Variants in XYLT1 observed in about 807,000 individuals in gnomAD.
The protein encoded by XYLT1 is xylosyltransferase 1.
Under a neutral mutation model 91.3 loss-of-function variants are expected in XYLT1, and 36 were observed. The ratio of observed to expected loss-of-function variants is 0.39; its 90% confidence interval spans 0.30 to 0.52. XYLT1 has a LOEUF of 0.52. Ranked by LOEUF, XYLT1 falls within the 20% of genes least tolerant of loss-of-function variation. The probability of loss-of-function intolerance (pLI) is 0.68; values close to 1 mark genes in which losing one functional copy is unlikely to be tolerated. For missense variants in XYLT1, 1,242 were observed against 1,284.5 expected, an observed-to-expected ratio of 0.97 and a Z score of 0.51; for synonymous variants, 588 against 532.0, an observed-to-expected ratio of 1.11 and a Z score of -1.45.
intron 5 of XYLT1, among the ~76,000 whole-genome samples, chr16:17,186,495 G>A (rs2032186833): frequency 7.3e-6 from 1 of 136,548 alleles, no homozygotes; most frequent in Non-Finnish European, 1.5e-5. Context: ...TTAGAAATGG[G>A]GGTCTTGCTT....
intron 5 of XYLT1, among the ~76,000 whole-genome samples, chr16:17,172,461 C>G (rs1043466339): frequency 4.5e-5 from 6 of 134,336 alleles, no homozygotes; most frequent in African/African-American, 1.6e-4. Context: ...AGACTGCGTT[C>G]ATTTCTTTTT....
At chr16:17,352,076 A>T (rs2035229212) in intron 2 of XYLT1, among the ~76,000 whole-genome samples, 1 of 152,122 alleles carries the variant, frequency 6.6e-6, no homozygotes, top group Non-Finnish European at 1.5e-5. Flanking sequence ...ACCGAGATGG[A>T]GTCACTGCAC....
At chr16:17,115,157 T>A (rs1005482921) in intron 11 of XYLT1, among the ~76,000 whole-genome samples, 7 of 151,768 alleles carry the variant, frequency 4.6e-5, no homozygotes, top group African/African-American at 1.7e-4. Flanking sequence ...ACATACAATT[T>A]TATGTTTAAG....
rs1442455689 is a variant in XYLT1 at position 17,103,513 on chromosome 16, T to C, written c.*5182A>G. On this transcript the variant is annotated 3_prime_UTR_variant, in exon 12 of 12. Coordinates refer to ENST00000261381, the MANE Select transcript of XYLT1 (RefSeq NM_022166.4). ...CTTCACGATGCTGTCTTCTCTGATG[T>C]TGGTGGAGATGGGAGGGAAAGGATG... 5 of 152,214 alleles carry C rather than the reference T, an allele frequency of 3.3e-5. No homozygotes were observed. The highest frequency in any genetic ancestry group is 5.9e-5 in the Non-Finnish European group (4 of 68,066). The allele number at this position is 152,214 out of a possible 1,614,324, so 9.4% of individuals were successfully genotyped here. A position where few individuals can be genotyped will look rare whatever the true frequency, so the allele number is the denominator to read the frequency against.
At chr16:17,396,625 C>T (rs1380043658) in intron 1 of XYLT1, among the ~76,000 whole-genome samples, 1 of 152,210 alleles carries the variant, frequency 6.6e-6, no homozygotes, top group African/African-American at 2.4e-5. Flanking sequence ...AATCCCAACA[C>T]TTTGGGAGGC....
intron 5 of XYLT1, among the ~76,000 whole-genome samples, chr16:17,175,329 CAAT>C (rs779176674): frequency 1.3e-5 from 2 of 152,158 alleles, no homozygotes; most frequent in Non-Finnish European, 2.9e-5. Flanking sequence ...ATGATCATAA[CAAT>C]AATAAGTATA....
intron 1 of XYLT1, among the ~76,000 whole-genome samples, chr16:17,397,547 T>C (rs1359014449): frequency 6.6e-6 from 1 of 151,962 alleles, no homozygotes. Flanking sequence ...ACCTTTTCAT[T>C]CCCCCCTTTA....
rs2036272385 is a variant in XYLT1, at chr16:17,423,321, G to A, written c.363+47113C>T. 2.0e-5 allele frequency among the ~76,000 whole-genome samples: 3 copies of A among 148,946 alleles called. No individual in the cohort carries two copies. In the South Asian group the frequency reaches 6.2e-4, roughly 31 times the overall value. ...CAAAACACAGGATCAGCTCTGCACTGGGCCATCACTGCCACTCCTCAGGGG... is the reference window on the plus strand; with the variant it reads ...CAAAACACAGGATCAGCTCTGCACTAGGCCATCACTGCCACTCCTCAGGGG... On this transcript the variant is annotated intron_variant, in intron 1 of 11. Transcript: ENST00000261381.
chr16:17,168,599 C>CTT lies in XYLT1; in HGVS notation c.1290-9692_1290-9691dup, dbSNP rs113643928. On this transcript the variant is annotated intron_variant, in intron 5 of 11. Transcript: ENST00000261381. ...CCACTGAATCTAAAATAAAAGGTGA[C>CTT]TTTTTTTTTTAAAGTTTAAAAAGTA... Among the ~76,000 whole-genome samples the CTT allele has an allele frequency of 8.1e-4, 122 of 150,138 alleles. 1 individual carries two copies. The highest frequency in any genetic ancestry group is 6.8e-3 in the Middle Eastern group (2 of 292).
intron 2 of XYLT1, among the ~76,000 whole-genome samples, chr16:17,287,543 G>C (rs1181019284): frequency 6.6e-6 from 1 of 152,180 alleles, no homozygotes; most frequent in East Asian, 1.9e-4. Context: ...GACCTTTCCT[G>C]ATCTGCACTG....
intron 10 of XYLT1, among the ~76,000 whole-genome samples, chr16:17,122,352 G>A (rs552192938): frequency 6.4e-4 from 98 of 152,326 alleles, no homozygotes; most frequent in Non-Finnish European, 1.1e-3. Context: ...CGTTAGTGAT[G>A]TTGAGCATTT....
chr16:17,359,199 C>T (rs1247782179), intron 1 of XYLT1, among the ~76,000 whole-genome samples: 4 of 152,206 alleles, frequency 2.6e-5, no homozygotes, highest in Non-Finnish European at 5.9e-5. Context: ...CAAGCTTCCT[C>T]TGATAGAGAA....
Position 17,214,118 on chromosome 16 carries a change from C to G in XYLT1, c.914-13464G>C, listed in dbSNP as rs1023807837. ...CCTCACTTGCATTTCCCAGTGCCCC[C>G]TAGGGGACCAGCATGGTTTGAGAAC... On this transcript the variant is annotated intron_variant, in intron 3 of 11. Transcript: ENST00000261381. Among the ~76,000 whole-genome samples, 4 of 152,096 alleles carry G rather than the reference C, an allele frequency of 2.6e-5. No homozygotes were observed. The East Asian group carries it at 7.7e-4, about 29-fold the overall frequency.
intron 1 of XYLT1, among the ~76,000 whole-genome samples, chr16:17,437,286 G>C (rs1260014941): frequency 6.6e-6 from 1 of 152,216 alleles, no homozygotes; most frequent in Admixed American, 6.5e-5. Context: ...ATCTGGGCCC[G>C]TGTAGGGTAC....
rs185179760 is a variant in XYLT1, at chr16:17,175,047, A to G, written c.1290-16138T>C. The stretch of plus-strand genomic sequence containing the variant: ...TGGCCTCCCAAATTGCTGGGATTAC[A>G]GGTGTGTGCCACCACATCCAGCCAA... On this transcript the variant is annotated intron_variant, in intron 5 of 11. Transcript: ENST00000261381. 2.4e-3 allele frequency among the ~76,000 whole-genome samples: 370 copies of G among 152,352 alleles called. 1 individual carries two copies. Among genetic ancestry groups the G allele is most frequent in the African/African-American group, 8.7e-3 (361 of 41,578 alleles).
intron 1 of XYLT1, among the ~76,000 whole-genome samples, chr16:17,434,009 A>G (rs2036422525): frequency 6.6e-6 from 1 of 152,034 alleles, no homozygotes; most frequent in Admixed American, 6.6e-5. Flanking sequence ...CATTTGGCAG[A>G]TTGAATTTCG....
At chr16:17,338,367 T>C (rs2035017144) in intron 2 of XYLT1, 1 of 456,540 alleles carries the variant, frequency 2.2e-6, no homozygotes, top group Non-Finnish European at 4.4e-6. Flanking sequence ...GCCTGCCTTA[T>C]CAGTCCCATC....
At chr16:17,183,883 C>T (rs2032122804) in intron 5 of XYLT1, among the ~76,000 whole-genome samples, 1 of 152,086 alleles carries the variant, frequency 6.6e-6, no homozygotes, top group South Asian at 2.1e-4. Flanking sequence ...TTAACCCTGT[C>T]GCTTGGATCC....
intron 3 of XYLT1, among the ~76,000 whole-genome samples, chr16:17,253,927 T>C (rs1313226183): frequency 6.6e-6 from 1 of 151,372 alleles, no homozygotes; most frequent in African/African-American, 2.4e-5. Flanking sequence ...CCCTTCTGCC[T>C]CCCCAAGAGG....
Sources: allele counts gnomAD v4.1 joint callset (sites outside exome capture counted in the v4.1 genomes callset), GRCh38; gene constraint gnomAD v4.1.1; transcripts MANE v1.5; gene names NCBI Gene and HGNC (gene_info 2026-07-23, HGNC 2026-07-21).